Variants in BAZ2B observed in about 807,000 individuals in gnomAD.
BAZ2B encodes the protein bromodomain adjacent to zinc finger domain 2B, also known as bromodomain adjacent to zinc finger domain protein 2B.
BAZ2B carries 91 observed loss-of-function variants against 246.0 expected under a neutral mutation model. That is an observed-to-expected ratio of 0.37 (90% CI 0.31 to 0.44). The LOEUF is 0.44. Ranked by LOEUF, BAZ2B falls within the 20% of genes least tolerant of loss-of-function variation. The pLI, the probability that BAZ2B is intolerant of heterozygous loss-of-function variation, is 1.00. For missense variants in BAZ2B, 2,332 were observed against 2,533.7 expected (o/e 0.92, Z 1.71); for synonymous variants, 855 against 860.0 (o/e 0.99, Z 0.10).
chr2:159,358,667 C>T (rs2059371849), intron 27 of BAZ2B, among the ~76,000 whole-genome samples: 1 of 152,194 alleles, frequency 6.6e-6, no homozygotes, highest in African/African-American at 2.4e-5. Flanking sequence ...ACATTCTTCT[C>T]AGCACCACAT....
chr2:159,569,322 G>A (rs2151551520), intron 1 of BAZ2B, among the ~76,000 whole-genome samples: 1 of 152,298 alleles, frequency 6.6e-6, no homozygotes, highest in Admixed American at 6.5e-5. Flanking sequence ...AACAATGATT[G>A]TTTGGGGAGC....
the BAZ2B span, among the ~76,000 whole-genome samples, chr2:159,674,336 G>A: frequency 9.3e-4 from 114 of 122,938 alleles, no homozygotes; most frequent in East Asian, 3.4e-3. Context: ...CTCTGTCTCA[G>A]AAAAAAAAAA....
upstream of BAZ2B, among the ~76,000 whole-genome samples, chr2:159,619,943 T>C (rs1430352572): frequency 6.6e-6 from 1 of 152,198 alleles, no homozygotes; most frequent in African/African-American, 2.4e-5. Context: ...ATGTACATAA[T>C]TGTGATAGAA....
intron 5 of BAZ2B, among the ~76,000 whole-genome samples, chr2:159,447,975 T>C (rs2074489353): frequency 1.3e-5 from 2 of 151,780 alleles, no homozygotes; most frequent in African/African-American, 4.8e-5. Context: ...AAATAAAATT[T>C]AAACACGTAG....
chr2:159,321,489 G>A (rs754502562), intron 36 of BAZ2B, among the ~76,000 whole-genome samples: 3 of 152,236 alleles, frequency 2.0e-5, no homozygotes, highest in Middle Eastern at 3.4e-3. Flanking sequence ...CAATAGCCAA[G>A]GTTTGGAAGC....
Position 159,349,219 on chromosome 2 carries a change from G to A in BAZ2B, c.4925C>T (p.Thr1642Ile), listed in dbSNP as rs2058298595. ...AGATGATGTAAATGGAATATTAGAA[G>A]TAACCACACCAGTGGGCCATCCACA... ...QFCGWPTGVVTSNIPFTSSVP... is the reference protein window; with the variant it reads ...QFCGWPTGVVISNIPFTSSVP... Residue 1642 changes from threonine (T) to isoleucine (I), a missense_variant, in exon 29 of 37, where the codon ACT (threonine) becomes ATT (isoleucine). By Grantham distance (89) the Thr-to-Ile change is moderately conservative. Transcript: ENST00000392783. 1.9e-6 allele frequency: 3 copies of A among 1,614,002 alleles called. No individual in the cohort carries two copies. Among genetic ancestry groups the A allele is most frequent in the Non-Finnish European group, 2.5e-6 (3 of 1,179,952 alleles).
chr2:159,462,707 G>T, intron 3 of BAZ2B: 1 of 1,378,372 alleles, frequency 7.3e-7, no homozygotes, highest in Non-Finnish European at 1.0e-6. Context: ...GGCTGTAGGT[G>T]GTGTGATGGT....
At chr2:159,574,017 T>C (rs767690487) in intron 1 of BAZ2B, among the ~76,000 whole-genome samples, 4 of 152,096 alleles carry the variant, frequency 2.6e-5, no homozygotes, top group Middle Eastern at 3.4e-3. Flanking sequence ...GGAGGATCCC[T>C]AGAGCCTGGG....
intron 32 of BAZ2B, 125 bp from the exon 33 acceptor site, chr2:159,337,202 T>G (rs2065826887): frequency 7.9e-7 from 1 of 1,269,518 alleles, no homozygotes. Context: ...AGTATAAGGT[T>G]TAAGCAACTA....
the BAZ2B span, among the ~76,000 whole-genome samples, chr2:159,698,612 TCTC>T: frequency 4.7e-4 from 71 of 151,960 alleles, no homozygotes; most frequent in African/African-American, 1.5e-3. Flanking sequence ...GCCTACTTTT[TCTC>T]CTCAATATAA....
intron 1 of BAZ2B, among the ~76,000 whole-genome samples, chr2:159,568,144 A>G (rs1040565000): frequency 7.9e-5 from 12 of 152,286 alleles, no homozygotes; most frequent in African/African-American, 2.6e-4. Context: ...AAGAAACAAC[A>G]TATCAATTAA....
the BAZ2B span, among the ~76,000 whole-genome samples, chr2:159,676,647 G>GCACACACACACACACACACACACA: frequency 7.5e-6 from 1 of 132,544 alleles, no homozygotes; most frequent in Non-Finnish European, 1.6e-5. Flanking sequence ...GTATCTAAAT[G>GCACACACACACACACACACACACA]CACACACACA....
chr2:159,363,276 A>G (rs1188464147), intron 27 of BAZ2B, among the ~76,000 whole-genome samples: 2 of 152,182 alleles, frequency 1.3e-5, no homozygotes, highest in Non-Finnish European at 2.9e-5. Context: ...CTTGAATGTG[A>G]AATGGACTAG....
At chr2:159,415,323 T>C (rs1028277897) in intron 13 of BAZ2B, among the ~76,000 whole-genome samples, 2 of 151,646 alleles carry the variant, frequency 1.3e-5, no homozygotes, top group Non-Finnish European at 2.9e-5. Flanking sequence ...TGTGCACCTG[T>C]AGTCCCAGCT....
Position 159,349,926 on chromosome 2 carries a change from G to A in BAZ2B, c.4645C>T (p.Leu1549=), listed in dbSNP as rs771422532. 6.2e-7 allele frequency: 1 copy of A among 1,614,168 alleles called. No individual in the cohort carries two copies. Among genetic ancestry groups the A allele is most frequent in the South Asian group, 1.1e-5 (1 of 91,088 alleles). Residue 1549 remains leucine (L), a synonymous_variant, in exon 28 of 37, where the codon CTA becomes TTA. Coordinates refer to ENST00000392783, the MANE Select transcript of BAZ2B (RefSeq NM_013450.4). The part of the protein sequence containing the change: ...FYSPLPNDQL[L]KTLTEKNRQW... ...CTATTCTTTTCAGTCAGCGTTTTTA[G>A]TAACTGGTCATTGGGGAGAGGACTG...
chr2:159,442,261 A>C (rs2073551000), intron 6 of BAZ2B, among the ~76,000 whole-genome samples: 2 of 152,180 alleles, frequency 1.3e-5, no homozygotes, highest in South Asian at 4.1e-4. Context: ...CAAGACGGGA[A>C]ACAGCAAAGG....
At chr2:159,679,245 C>T in the BAZ2B span, among the ~76,000 whole-genome samples, 2 of 117,902 alleles carry the variant, frequency 1.7e-5, no homozygotes, top group Admixed American at 2.3e-4. Context: ...GCACTCCAGC[C>T]TGGGTGACAG....
chr2:159,491,185 C>A (rs927423998), intron 2 of BAZ2B, among the ~76,000 whole-genome samples: 9 of 152,152 alleles, frequency 5.9e-5, no homozygotes, highest in African/African-American at 2.2e-4. Context: ...TAATGTATGT[C>A]CTCCCTCCTT....
intron 4 of BAZ2B, among the ~76,000 whole-genome samples, chr2:159,452,960 C>T (rs2075282123): frequency 6.6e-6 from 1 of 152,106 alleles, no homozygotes; most frequent in Non-Finnish European, 1.5e-5. Context: ...ATTAGCCAGA[C>T]ATGATGGTGC....
Sources: allele counts gnomAD v4.1 joint callset (sites outside exome capture counted in the v4.1 genomes callset), GRCh38; gene constraint gnomAD v4.1.1; transcripts MANE v1.5; gene names NCBI Gene and HGNC (gene_info 2026-07-23, HGNC 2026-07-21).